PPM1H: variants seen among roughly 807,000 people sequenced by gnomAD.
PPM1H encodes the protein protein phosphatase 1H.
In PPM1H, 27 loss-of-function variants were observed where a neutral mutation model predicts 54.9. The ratio of observed to expected loss-of-function variants is 0.49; its 90% CI spans 0.36 to 0.68. The LOEUF (loss-of-function observed/expected upper bound fraction) is 0.68, where lower values mean the gene tolerates loss of function less well. Among genes scored for constraint, PPM1H ranks in the 30% least tolerant of loss-of-function variants. PPM1H has a pLI of 0.00. For missense variants in PPM1H, 596 were observed against 667.8 expected, an observed-to-expected ratio of 0.89 and a Z score of 1.19; for synonymous variants, 305 against 270.8, an observed-to-expected ratio of 1.13 and a Z score of -1.24.
intron 4 of PPM1H, among the ~76,000 whole-genome samples, chr12:62,776,029 A>C (rs1427443031): frequency 6.6e-6 from 1 of 152,160 alleles, no homozygotes; most frequent in African/African-American, 2.4e-5. Context: ...CATGTGAAGG[A>C]AACTGCCCTT....
chr12:62,650,976 A>G (rs1034593090), intron 9 of PPM1H, among the ~76,000 whole-genome samples: 6 of 152,224 alleles, frequency 3.9e-5, no homozygotes, highest in Non-Finnish European at 7.4e-5. Flanking sequence ...CACATGGGGA[A>G]AGGCCACCAG....
chr12:62,922,040 T>C (rs1871816538), intron 1 of PPM1H, among the ~76,000 whole-genome samples: 1 of 152,214 alleles, frequency 6.6e-6, no homozygotes, highest in Non-Finnish European at 1.5e-5. Flanking sequence ...ATACAGGCTT[T>C]CCAAAAACAT....
chr12:62,772,928 T>A (rs1286440329), intron 4 of PPM1H, among the ~76,000 whole-genome samples: 2 of 152,006 alleles, frequency 1.3e-5, no homozygotes, highest in Non-Finnish European at 2.9e-5. Flanking sequence ...GGCAGGTGGA[T>A]CACGAGGTCA....
intron 1 of PPM1H, among the ~76,000 whole-genome samples, chr12:62,925,197 T>C (rs1008920219): frequency 1.3e-5 from 2 of 152,230 alleles, no homozygotes; most frequent in Admixed American, 6.5e-5. Context: ...AGTTGAACTT[T>C]TGTTTTATAA....
At chr12:62,843,859 C>T (rs1868851230) in intron 1 of PPM1H, among the ~76,000 whole-genome samples, 1 of 152,100 alleles carries the variant, frequency 6.6e-6, no homozygotes, top group Non-Finnish European at 1.5e-5. Flanking sequence ...ATCAAGTAGC[C>T]CTTTGAAAAC....
In PPM1H at chr12:62,820,575, G is replaced by A. The variant is rs144895759; in HGVS notation, c.411+11539C>T. Among the ~76,000 whole-genome samples the A allele has an allele frequency of 7.9e-3, 1,202 of 152,316 alleles. 15 individuals carry two copies. Among genetic ancestry groups the A allele is most frequent in the African/African-American group, 0.027 (1,143 of 41,572 alleles). ...GAACGATCAGGCAGCAACATTTGCC[G>A]TTCTGCAATATTGCGGTTCTGCAGC... On this transcript the variant is annotated intron_variant, in intron 2 of 9. Transcript: ENST00000228705.
At chr12:62,652,856 ACTCC>A (rs2075823625) in intron 9 of PPM1H, among the ~76,000 whole-genome samples, 1 of 151,976 alleles carries the variant, frequency 6.6e-6, no homozygotes, top group South Asian at 2.1e-4. Flanking sequence ...TTATGAAACT[ACTCC>A]TTGCTTCTGG....
At chr12:62,789,416 C>A (rs1351639287) in intron 3 of PPM1H, among the ~76,000 whole-genome samples, 1 of 152,158 alleles carries the variant, frequency 6.6e-6, no homozygotes, top group Non-Finnish European at 1.5e-5. Flanking sequence ...ACTTATAGGG[C>A]AAAGACTTAC....
intron 1 of PPM1H, among the ~76,000 whole-genome samples, chr12:62,923,331 G>A (rs1871861202): frequency 6.6e-6 from 1 of 152,128 alleles, no homozygotes; most frequent in Non-Finnish European, 1.5e-5. Context: ...GAATCTAGAT[G>A]GCAGTCATAT....
intron 6 of PPM1H, among the ~76,000 whole-genome samples, chr12:62,709,744 A>C (rs1233243779): frequency 6.6e-6 from 1 of 152,234 alleles, no homozygotes; most frequent in Non-Finnish European, 1.5e-5. Context: ...AGTTTGAAGA[A>C]TAGGTTTAAA....
intron 3 of PPM1H, among the ~76,000 whole-genome samples, chr12:62,797,477 GAGTGGGTGGCT>G (rs2076741008): frequency 6.6e-6 from 1 of 152,150 alleles, no homozygotes; most frequent in African/African-American, 2.4e-5. Context: ...GAAAATTAGA[GAGTGGGTGGCT>G]ACTGCGGTGA....
intron 4 of PPM1H, among the ~76,000 whole-genome samples, chr12:62,761,353 G>A (rs1160777948): frequency 3.3e-5 from 5 of 152,186 alleles, no homozygotes; most frequent in East Asian, 1.9e-4. Context: ...AATTTCCCTG[G>A]GGGGCAAATG....
At chr12:62,875,547 C>G (rs529458179) in intron 1 of PPM1H, among the ~76,000 whole-genome samples, 11 of 152,176 alleles carry the variant, frequency 7.2e-5, no homozygotes, top group South Asian at 6.2e-4. Context: ...GGAATGGGCT[C>G]GTTAAAATAC....
intron 1 of PPM1H, among the ~76,000 whole-genome samples, chr12:62,917,642 T>C (rs888071737): frequency 7.9e-5 from 12 of 152,194 alleles, no homozygotes; most frequent in Non-Finnish European, 1.8e-4. Context: ...TATAGTAACA[T>C]ATCACATTAC....
rs1446543425 is a variant in PPM1H at position 62,935,114 on chromosome 12, C to G, written c.-378G>C. 6.4e-6 allele frequency: 1 copy of G among 156,996 alleles called. No homozygotes were observed. Among genetic ancestry groups the G allele is most frequent in the South Asian group, 2.0e-4 (1 of 4,884 alleles). The allele number at this position is 156,996 out of a possible 1,614,324, so 9.7% of individuals were successfully genotyped here. A position where few individuals can be genotyped will look rare whatever the true frequency, so the allele number is the denominator to read the frequency against. ...CCACCCGGCGAGCTCGCGGAGCCGC[C>G]GCGGCTGCTGCCACGGCTACTGCCG... On this transcript the variant is annotated 5_prime_UTR_variant, in exon 1 of 10. Coordinates refer to ENST00000228705, the MANE Select transcript of PPM1H (RefSeq NM_020700.2).
Position 62,886,072 on chromosome 12 carries a change from C to T in PPM1H, c.245+48420G>A, listed in dbSNP as rs556242934. ...AAAGGCTATGTGAAAGGCTACTATA[C>T]ATCTACAGTCAATATTTTTTCAAGT... is the stretch of plus-strand genomic sequence containing the variant. On this transcript the variant is annotated intron_variant, in intron 1 of 9. Coordinates refer to ENST00000228705, the MANE Select transcript of PPM1H (RefSeq NM_020700.2). 4.6e-5 allele frequency among the ~76,000 whole-genome samples: 7 copies of T among 152,342 alleles called. 1 individual carries two copies. Among genetic ancestry groups the T allele is most frequent in the African/African-American group, 1.7e-4 (7 of 41,578 alleles).
At chr12:62,726,629 G>A (rs2076291068) in intron 5 of PPM1H, among the ~76,000 whole-genome samples, 1 of 152,202 alleles carries the variant, frequency 6.6e-6, no homozygotes, top group Non-Finnish European at 1.5e-5. Flanking sequence ...GGATGTGGAA[G>A]CCGCAGATTC....
intron 9 of PPM1H, among the ~76,000 whole-genome samples, chr12:62,654,128 G>A (rs529961512): frequency 9.3e-5 from 14 of 151,030 alleles, no homozygotes; most frequent in African/African-American, 2.7e-4. Flanking sequence ...CCAGCTACTC[G>A]GGAGGCTGAG....
chr12:62,930,599 A>G (rs993521526), intron 1 of PPM1H, among the ~76,000 whole-genome samples: 4 of 152,158 alleles, frequency 2.6e-5, no homozygotes, highest in Admixed American at 6.6e-5. Context: ...CAAACAGGTA[A>G]AAAAAGAAAA....
Sources: gnomAD v4.1 joint callset for allele counts (sites outside exome capture counted in the v4.1 genomes callset) on GRCh38, gnomAD v4.1.1 for gene constraint, MANE v1.5 for transcripts, NCBI Gene and HGNC (gene_info 2026-07-23, HGNC 2026-07-21) for gene names.